COL4A2: variants seen among roughly 807,000 people sequenced by gnomAD.
COL4A2 encodes collagen alpha-2(IV) chain.
COL4A2 carries 99 observed loss-of-function variants against 200.2 expected under a neutral mutation model. The observed-to-expected ratio is 0.49, with a 90% confidence interval of 0.42 to 0.58. COL4A2 has a LOEUF of 0.58. Ranked by LOEUF, COL4A2 falls within the 20% of genes least tolerant of loss-of-function variation. The pLI is 0.00. For synonymous variants in COL4A2, 897 were observed against 900.6 expected, an observed-to-expected ratio of 1.00 and a Z score of 0.07; for missense variants, 1,950 against 2,314.1, an observed-to-expected ratio of 0.84 and a Z score of 3.23.
intron 28 of COL4A2, among the ~76,000 whole-genome samples, chr13:110,472,362 G>A (rs556714443): frequency 2.2e-4 from 34 of 152,144 alleles, no homozygotes; most frequent in South Asian, 1.2e-3. Flanking sequence ...TGATTCACCC[G>A]CCTCGGCCTC....
At chr13:110,492,033 C>T in intron 37 of COL4A2, 37 bp from the exon 38 acceptor site, 2 of 1,525,404 alleles carry the variant, frequency 1.3e-6, no homozygotes, top group Non-Finnish European at 1.8e-6. Flanking sequence ...CCCAAGGTGT[C>T]CTGTGTGCTC....
chr13:110,480,172 C>T, intron 30 of COL4A2, 48 bp from the exon 31 acceptor site: 1 of 1,513,242 alleles, frequency 6.6e-7, no homozygotes, highest in Non-Finnish European at 8.9e-7. Context: ...AGAAATTTCC[C>T]CTGTGTGTGT....
Position 110,323,025 on chromosome 13 carries a change from A to AC in COL4A2, c.99+14907dup, listed in dbSNP as rs1022195898. 7.0e-4 allele frequency among the ~76,000 whole-genome samples: 106 copies of AC among 152,200 alleles called. 1 individual carries two copies. Among genetic ancestry groups the AC allele is most frequent in the African/African-American group, 2.5e-3 (102 of 41,518 alleles). ...TTTACATTTTGAAGGCTTTGGCATGACCCCCAATACCAGCTGTTACAACCA... is the reference window on the plus strand; with the variant it reads ...TTTACATTTTGAAGGCTTTGGCATGACCCCCCAATACCAGCTGTTACAACCA... On this transcript the variant is annotated intron_variant, in intron 3 of 47. Transcript: ENST00000360467.
At chr13:110,365,439 C>T (rs2139396331) in intron 4 of COL4A2, among the ~76,000 whole-genome samples, 1 of 152,298 alleles carries the variant, frequency 6.6e-6, no homozygotes, top group Middle Eastern at 3.4e-3. Context: ...CTGTTCCCGG[C>T]CTGGCATTTT....
intron 28 of COL4A2, among the ~76,000 whole-genome samples, chr13:110,471,532 A>G (rs1223965282): frequency 6.6e-6 from 1 of 152,238 alleles, no homozygotes; most frequent in Non-Finnish European, 1.5e-5. Context: ...AGACCCACAC[A>G]TGCAAACCCA....
At position 110,358,353 on chromosome 13, in the gene COL4A2, A is replaced by C. The variant is rs1482000366; in HGVS notation, c.180+801A>C. ...GAAGGTCTTCGGGGCAATAACACGC[A>C]TGGAGCCGTCATCCCCTCTGGGAAC... is the stretch of plus-strand genomic sequence containing the variant. On this transcript the variant is annotated intron_variant, in intron 4 of 47. Transcript: ENST00000360467. Among the ~76,000 whole-genome samples the C allele has an allele frequency of 3.3e-5, 5 of 152,162 alleles. No homozygotes were observed. The South Asian group carries it at 1.0e-3, about 31-fold the overall frequency.
chr13:110,504,006 G>A lies in COL4A2; in HGVS notation c.4285+13G>A. 3 of 1,555,750 alleles carry A rather than the reference G, an allele frequency of 1.9e-6. No individual in the cohort carries two copies. Among genetic ancestry groups the A allele is most frequent in the Non-Finnish European group, 2.6e-6 (3 of 1,153,786 alleles). On this transcript the variant is annotated intron_variant, in intron 44 of 47. Coordinates refer to ENST00000360467, the MANE Select transcript of COL4A2 (RefSeq NM_001846.4). The stretch of plus-strand genomic sequence containing the variant: ...CCCGGAGAACCAGGTAGAGTGCTGA[G>A]CTGGGGCCTGGAGCCCCTCGGGGCT...
intron 21 of COL4A2, chr13:110,458,407 C>T (rs544834356): frequency 3.2e-6 from 1 of 313,956 alleles, no homozygotes; most frequent in East Asian, 1.1e-4. Context: ...GGAGCCGGCT[C>T]CTCCCCTTGG....
At chr13:110,376,851 G>A (rs935964829) in intron 4 of COL4A2, among the ~76,000 whole-genome samples, 9 of 152,176 alleles carry the variant, frequency 5.9e-5, no homozygotes, top group African/African-American at 2.2e-4. Flanking sequence ...GTTCTCCTGA[G>A]ACTGACGCAT....
chr13:110,447,199 G>A (rs1881362129), intron 18 of COL4A2, among the ~76,000 whole-genome samples: 1 of 152,132 alleles, frequency 6.6e-6, no homozygotes, highest in African/African-American at 2.4e-5. Flanking sequence ...GACTATCGCT[G>A]AAGATATCCA....
chr13:110,330,629 C>CCT (rs1176939522), intron 3 of COL4A2, among the ~76,000 whole-genome samples: 4 of 152,170 alleles, frequency 2.6e-5, no homozygotes, highest in Non-Finnish European at 5.9e-5. Flanking sequence ...TGTCTGTCTA[C>CCT]CTCTCCTCTT....
intron 24 of COL4A2, among the ~76,000 whole-genome samples, 159 bp from the exon 25 acceptor site, chr13:110,465,246 A>G (rs1490845901): frequency 6.6e-6 from 1 of 152,116 alleles, no homozygotes; most frequent in Non-Finnish European, 1.5e-5. Context: ...GGCTCCTGTG[A>G]CCTGGCTGAC....
At chr13:110,329,356 T>C (rs886142015) in intron 3 of COL4A2, among the ~76,000 whole-genome samples, 3 of 152,214 alleles carry the variant, frequency 2.0e-5, no homozygotes, top group African/African-American at 7.2e-5. Context: ...AAAAACATAC[T>C]TGCTGCAGTG....
chr13:110,442,746 C>T lies in COL4A2; in HGVS notation c.957+2913C>T, dbSNP rs897408071. Among the ~76,000 whole-genome samples the T allele has an allele frequency of 5.0e-5, 7 of 141,200 alleles. No individual in the cohort carries two copies. The East Asian group carries it at 1.2e-3, about 25-fold the overall frequency. 92.6% of individuals were successfully genotyped at this position (141,200 alleles called of 152,430 possible). ...TTTTCTGATAAATTAGAGATGGTTT[C>T]GTCTCCTCTTTCTAGGGGAAACATA... On this transcript the variant is annotated intron_variant, in intron 16 of 47. Transcript: ENST00000360467.
intron 18 of COL4A2, 56 bp from the exon 19 acceptor site, chr13:110,449,623 G>A (rs1383580854): frequency 1.3e-6 from 2 of 1,481,740 alleles, no homozygotes; most frequent in East Asian, 2.5e-5. Context: ...GTGAACGCCA[G>A]CTGCGATCCG....
chr13:110,450,374 T>C lies in COL4A2; in HGVS notation c.1259T>C (p.Leu420Pro), dbSNP rs753858167. The C allele has an allele frequency of 7.4e-6, 12 of 1,613,632 alleles. No individual in the cohort carries two copies. The East Asian group carries it at 2.5e-4, about 33-fold the overall frequency. ...GFIGDPGIPA[L>P]YGGPPGPDGK... The stretch of plus-strand genomic sequence containing the variant: ...ATCGGAGACCCCGGCATCCCTGCGC[T>C]CTACGGGGGCCCACCTGGACCTGAT... The change falls in exon 20 of 48, where the codon CTC becomes CCC. Residue 420 changes from leucine (L) to proline (P), a missense_variant. Coordinates refer to ENST00000360467, the MANE Select transcript of COL4A2 (RefSeq NM_001846.4).
rs376339664 is a variant in COL4A2, at chr13:110,481,100, T to C, written c.2758+710T>C. Among the ~76,000 whole-genome samples the C allele has an allele frequency of 7.6e-3, 141 of 18,508 alleles. 2 individuals are homozygous for C. The highest frequency in any genetic ancestry group is 0.013 in the African/African-American group (45 of 3,534). The allele number at this position is 18,508 out of a possible 152,430, so 12.1% of individuals were successfully genotyped here. A position where few individuals can be genotyped will look rare whatever the true frequency, so the allele number is the denominator to read the frequency against. On this transcript the variant is annotated intron_variant, in intron 31 of 47. Transcript: ENST00000360467. Reference sequence around the variant, plus strand: ...TCCCTCCGTTGCTGGAGACACACTGTTCTGTCCTTCCGTTGCTGGAGACAC... The same window carrying C: ...TCCCTCCGTTGCTGGAGACACACTGCTCTGTCCTTCCGTTGCTGGAGACAC...
At chr13:110,472,854 G>C in intron 28 of COL4A2, 75 bp from the exon 29 acceptor site, 1 of 1,438,210 alleles carries the variant, frequency 7.0e-7, no homozygotes, top group South Asian at 1.2e-5. Flanking sequence ...GCTGTTTCCA[G>C]CCTCTTTTTG....
chr13:110,424,281 A>G (rs1011502327), intron 4 of COL4A2, among the ~76,000 whole-genome samples: 1 of 151,248 alleles, frequency 6.6e-6, no homozygotes, highest in African/African-American at 2.4e-5. Context: ...CCTCTATGTG[A>G]ACAAAAGGAG....
Sources: gnomAD v4.1 joint callset for allele counts (sites outside exome capture counted in the v4.1 genomes callset) on GRCh38, gnomAD v4.1.1 for gene constraint, MANE v1.5 for transcripts, NCBI Gene and HGNC (gene_info 2026-07-23, HGNC 2026-07-21) for gene names.